Variants in CPA6 observed in about 807,000 individuals in gnomAD.
CPA6 encodes the protein carboxypeptidase A6.
A neutral mutation model predicts 63.3 loss-of-function variants in CPA6; 58 were observed. That is an observed-to-expected ratio of 0.92 (90% CI 0.74 to 1.14). CPA6 has a LOEUF of 1.14. Among genes scored for constraint, CPA6 ranks in the 50% most tolerant of loss-of-function variants. CPA6 has a pLI of 0.00. For synonymous variants in CPA6, 185 were observed against 179.0 expected (o/e 1.03, Z -0.27); for missense variants, 565 against 526.6 (o/e 1.07, Z -0.71).
chr8:67,510,296 C>G (rs1812016821), intron 4 of CPA6, among the ~76,000 whole-genome samples: 1 of 152,086 alleles, frequency 6.6e-6, no homozygotes, highest in South Asian at 2.1e-4. Context: ...AAGTGTCCTA[C>G]CATTTTATGG....
intron 2 of CPA6, among the ~76,000 whole-genome samples, chr8:67,531,946 C>G (rs1812485829): frequency 1.3e-5 from 2 of 152,048 alleles, no homozygotes; most frequent in African/African-American, 4.8e-5. Context: ...AAATAACTTG[C>G]AGATTAAAGA....
At chr8:67,441,826 T>C (rs1810300215) in intron 8 of CPA6, among the ~76,000 whole-genome samples, 1 of 152,088 alleles carries the variant, frequency 6.6e-6, no homozygotes, top group Non-Finnish European at 1.5e-5. Context: ...AAAGGTTTGG[T>C]TGTTTTTAGG....
At chr8:67,532,232 T>A (rs1257048799) in intron 2 of CPA6, among the ~76,000 whole-genome samples, 1 of 152,092 alleles carries the variant, frequency 6.6e-6, no homozygotes, top group Non-Finnish European at 1.5e-5. Context: ...CTGAAGTATA[T>A]TTAAAATAGA....
intron 1 of CPA6, among the ~76,000 whole-genome samples, chr8:67,652,417 T>C (rs1157760599): frequency 2.6e-5 from 4 of 152,258 alleles, no homozygotes; most frequent in East Asian, 3.9e-4. Flanking sequence ...GTTTCCTGAC[T>C]TTTTAATGAT....
At chr8:67,515,417 C>A (rs1812123019) in intron 3 of CPA6, among the ~76,000 whole-genome samples, 1 of 152,178 alleles carries the variant, frequency 6.6e-6, no homozygotes, top group African/African-American at 2.4e-5. Context: ...TCTCTTTTCT[C>A]ATATTCTTGC....
At chr8:67,671,311 C>T (rs1056857404) in intron 1 of CPA6, among the ~76,000 whole-genome samples, 4 of 152,192 alleles carry the variant, frequency 2.6e-5, no homozygotes, top group Non-Finnish European at 5.9e-5. Flanking sequence ...CCTCCCCTAT[C>T]CTAGGCTTTG....
chr8:67,560,159 G>GTATATATATATA, intron 2 of CPA6, among the ~76,000 whole-genome samples: 1 of 63,934 alleles, frequency 1.6e-5, no homozygotes, highest in African/African-American at 5.4e-5. Context: ...TTGTATTTCC[G>GTATATATATATA]GATATATATA....
intron 2 of CPA6, among the ~76,000 whole-genome samples, chr8:67,595,565 A>C (rs1587613830): frequency 6.6e-6 from 1 of 152,228 alleles, no homozygotes; most frequent in South Asian, 2.1e-4. Flanking sequence ...TGCTTTGTTT[A>C]CCTAAGCGAG....
rs1563370676 is a variant in CPA6, at chr8:67,634,222, T to TTA, written c.117-9972_117-9971insTA. On this transcript the variant is annotated intron_variant, in intron 1 of 10. Transcript: ENST00000297770. ...TATTATTATTATTATTATTATTATT[T>TTA]ATTTGTTTTTTTTTTGAGACGGAGT... 4.2e-3 allele frequency among the ~76,000 whole-genome samples: 580 copies of TTA among 139,706 alleles called. 24 individuals are homozygous for TTA. The highest frequency in any genetic ancestry group is 0.014 in the African/African-American group (502 of 36,296). 91.7% of individuals were successfully genotyped at this position (139,706 alleles called of 152,430 possible).
intron 1 of CPA6, among the ~76,000 whole-genome samples, chr8:67,724,464 C>A (rs1587730389): frequency 6.6e-6 from 1 of 152,198 alleles, no homozygotes; most frequent in African/African-American, 2.4e-5. Context: ...GTACACAAAA[C>A]AAAAAGCCCC....
chr8:67,555,066 C>T (rs1039442271), intron 2 of CPA6, among the ~76,000 whole-genome samples: 2 of 152,206 alleles, frequency 1.3e-5, no homozygotes, highest in Non-Finnish European at 2.9e-5. Context: ...GGTAGTATCC[C>T]TTAATTTGGT....
intron 2 of CPA6, among the ~76,000 whole-genome samples, chr8:67,566,890 G>T: frequency 6.6e-6 from 1 of 152,218 alleles, no homozygotes; most frequent in East Asian, 1.9e-4. Context: ...TGGGAAAGTA[G>T]AAGGCTGTTC....
chr8:67,681,195 A>ATTTTATTTTTTT (rs1554533441), intron 1 of CPA6, among the ~76,000 whole-genome samples: 1 of 97,150 alleles, frequency 1.0e-5, no homozygotes, highest in South Asian at 3.3e-4. Context: ...GGTCACAAAG[A>ATTTTATTTTTTT]TTTTCTTTTT....
intron 10 of CPA6, among the ~76,000 whole-genome samples, chr8:67,425,928 G>A (rs1438796386): frequency 7.2e-6 from 1 of 139,816 alleles, no homozygotes; most frequent in East Asian, 2.1e-4. Flanking sequence ...ACAGAATCTC[G>A]CTCTGTCACC....
In CPA6 at chr8:67,630,688, C is replaced by T. The variant is rs550162497; in HGVS notation, c.117-6437G>A. 4.6e-5 allele frequency among the ~76,000 whole-genome samples: 7 copies of T among 152,348 alleles called. No individual in the cohort carries two copies. In the East Asian group the frequency reaches 5.8e-4, roughly 13 times the overall value. ...AGCCACTCTTTGGGCTGGCCGAGGC[C>T]GGAGCTGGCTCCCTCTGCTTGAGGG... On this transcript the variant is annotated intron_variant, in intron 1 of 10. Transcript: ENST00000297770.
At chr8:67,676,106 C>T (rs984324466) in intron 1 of CPA6, among the ~76,000 whole-genome samples, 20 of 152,308 alleles carry the variant, frequency 1.3e-4, no homozygotes, top group East Asian at 7.7e-4. Context: ...ACACACTATA[C>T]CTATATCAAT....
chr8:67,529,234 G>T (rs559559334), intron 2 of CPA6, among the ~76,000 whole-genome samples: 1 of 152,126 alleles, frequency 6.6e-6, no homozygotes, highest in East Asian at 1.9e-4. Flanking sequence ...AAACAGAAAT[G>T]CTCACTTTAT....
At chr8:67,462,711 G>A (rs1182122192) in intron 8 of CPA6, among the ~76,000 whole-genome samples, 1 of 152,124 alleles carries the variant, frequency 6.6e-6, no homozygotes, top group Non-Finnish European at 1.5e-5. Context: ...AATTATAAGA[G>A]TATCAATACG....
At chr8:67,606,312 C>T (rs1814637175) in intron 2 of CPA6, among the ~76,000 whole-genome samples, 1 of 150,828 alleles carries the variant, frequency 6.6e-6, no homozygotes, top group Admixed American at 6.6e-5. Flanking sequence ...GCACATGTGC[C>T]CTAAAACATA....
Sources: allele counts gnomAD v4.1 joint callset (sites outside exome capture counted in the v4.1 genomes callset), GRCh38; gene constraint gnomAD v4.1.1; transcripts MANE v1.5; gene names NCBI Gene and HGNC (gene_info 2026-07-23, HGNC 2026-07-21).